Variants in FBXL13 observed in about 807,000 individuals in gnomAD.
The protein encoded by FBXL13 is F-box and leucine-rich repeat protein 13.
A neutral mutation model predicts 83.6 loss-of-function variants in FBXL13; 67 were observed. That is an observed-to-expected ratio of 0.80 (90% confidence interval 0.66 to 0.98). FBXL13 has a LOEUF of 0.98. FBXL13 is among the 50% of genes least tolerant of loss of function. FBXL13 has a pLI of 0.00. For synonymous variants in FBXL13, 272 were observed against 299.5 expected (o/e 0.91, Z 0.95); for missense variants, 822 against 866.5 (o/e 0.95, Z 0.64).
At chr7:102,953,910 C>CATAT (rs1823816131) in intron 8 of FBXL13, among the ~76,000 whole-genome samples, 1 of 152,056 alleles carries the variant, frequency 6.6e-6, no homozygotes, top group Non-Finnish European at 1.5e-5. Context: ...TGTGTATACA[C>CATAT]ATATACCTAT....
chr7:102,962,576 C>G (rs1825403371), intron 8 of FBXL13, among the ~76,000 whole-genome samples: 1 of 152,006 alleles, frequency 6.6e-6, no homozygotes, highest in African/African-American at 2.4e-5. Context: ...AGACTTGGAA[C>G]CAACCCAAAT....
intron 1 of FBXL13, among the ~76,000 whole-genome samples, chr7:103,068,384 T>G (rs1159092500): frequency 1.3e-5 from 2 of 152,118 alleles, no homozygotes; most frequent in East Asian, 3.8e-4. Context: ...ACCTAACCTA[T>G]CTCTAGATCT....
At chr7:103,068,109 G>A (rs1351395453) in intron 1 of FBXL13, among the ~76,000 whole-genome samples, 1 of 152,198 alleles carries the variant, frequency 6.6e-6, no homozygotes, top group Non-Finnish European at 1.5e-5. Flanking sequence ...CTGAGGAACG[G>A]TGAAAGCAAA....
intron 14 of FBXL13, 105 bp from the exon 16 acceptor site, chr7:102,878,555 G>T: frequency 1.4e-6 from 1 of 691,316 alleles, no homozygotes; most frequent in Non-Finnish European, 2.1e-6. Context: ...AAATAGCAAG[G>T]TAATATCTAT....
At chr7:102,852,688 A>G (rs1277854372) in intron 17 of FBXL13, among the ~76,000 whole-genome samples, 1 of 152,234 alleles carries the variant, frequency 6.6e-6, no homozygotes, top group Non-Finnish European at 1.5e-5. Flanking sequence ...TCAAAAAATA[A>G]TAGATGTTGG....
exon 1 of FBXL13, chr7:103,074,376 T>C (rs1799415703): frequency 9.5e-7 from 1 of 1,054,220 alleles, no homozygotes. Flanking sequence ...ACTCCTCCAC[T>C]CCTCAGGTAC....
chr7:102,926,563 C>G (rs1159292785), intron 9 of FBXL13, among the ~76,000 whole-genome samples, 189 bp from the exon 11 acceptor site: 1 of 152,176 alleles, frequency 6.6e-6, no homozygotes, highest in African/African-American at 2.4e-5. Context: ...CTCAAAGCAT[C>G]ATTACTCCCT....
chr7:103,016,747 T>A (rs1479713394), intron 6 of FBXL13, among the ~76,000 whole-genome samples: 1 of 151,962 alleles, frequency 6.6e-6, no homozygotes, highest in Non-Finnish European at 1.5e-5. Flanking sequence ...CAGTCTGAGA[T>A]CAAACTGCAA....
chr7:102,835,658 G>GGAGT (rs1801795193), intron 17 of FBXL13, among the ~76,000 whole-genome samples: 1 of 105,024 alleles, frequency 9.5e-6, no homozygotes, highest in Non-Finnish European at 1.6e-5. Context: ...CGCCCAGGCT[G>GGAGT]GAGTGCAGTG....
chr7:102,960,889 G>A (rs912977141), intron 8 of FBXL13, among the ~76,000 whole-genome samples: 1 of 151,942 alleles, frequency 6.6e-6, no homozygotes, highest in Admixed American at 6.6e-5. Context: ...TACTGAATGG[G>A]CAAACACTGG....
At position 102,847,650 on chromosome 7, in the gene FBXL13, C is replaced by T. The variant is rs550442749; in HGVS notation, c.1719+7127G>A. ...CCAGTGATTCTCCTGTCTCAGCCTC[C>T]GGAGTAGCTGGGACTAGAGGTGTGC... On this transcript the variant is annotated intron_variant, in intron 17 of 19. Coordinates refer to ENST00000313221, the Ensembl canonical transcript of FBXL13. Among the ~76,000 whole-genome samples, 16 of 152,116 alleles carry T rather than the reference C, an allele frequency of 1.1e-4. No individual in the cohort carries two copies. The South Asian group carries it at 2.5e-3, about 24-fold the overall frequency.
At chr7:102,870,366 T>C (rs1017063166) in intron 16 of FBXL13, among the ~76,000 whole-genome samples, 1 of 152,146 alleles carries the variant, frequency 6.6e-6, no homozygotes, top group African/African-American at 2.4e-5. Context: ...TACAAACCCA[T>C]TGATATTGCC....
rs117141251 is a variant in FBXL13 at position 103,036,111 on chromosome 7, G to C, written c.1-6693C>G. ...TGTGCATGCAAAGGATCTAGGTTGTGCATTCCTTATGAGAATCTAACTAAT... is the reference window on the plus strand; with the variant it reads ...TGTGCATGCAAAGGATCTAGGTTGTCCATTCCTTATGAGAATCTAACTAAT... On this transcript the variant is annotated intron_variant, in intron 2 of 19. Transcript: ENST00000313221. Among the ~76,000 whole-genome samples, 321 of 152,256 alleles carry C rather than the reference G, an allele frequency of 2.1e-3. 8 individuals are homozygous for C. In the East Asian group the frequency reaches 0.048, roughly 23 times the overall value.
intron 11 of FBXL13, among the ~76,000 whole-genome samples, chr7:102,907,717 T>C (rs962503223): frequency 1.3e-5 from 2 of 152,198 alleles, no homozygotes; most frequent in African/African-American, 4.8e-5. Flanking sequence ...ATCCAGTCTA[T>C]CATTGATGGA....
At chr7:102,932,035 C>CA (rs1819280734) in intron 8 of FBXL13, 102 bp from the exon 10 acceptor site, 5 of 1,125,864 alleles carry the variant, frequency 4.4e-6, no homozygotes, top group Non-Finnish European at 5.1e-6. Flanking sequence ...AGAAAACAAA[C>CA]AAAAACCTTG....
chr7:102,968,623 G>A (rs1387383360), intron 6 of FBXL13, among the ~76,000 whole-genome samples: 2 of 152,136 alleles, frequency 1.3e-5, no homozygotes, highest in African/African-American at 2.4e-5. Flanking sequence ...CAAAAAATCA[G>A]GAAATCCTGC....
At position 102,865,167 on chromosome 7, in the gene FBXL13, A is replaced by C. The variant is rs141709409; in HGVS notation, c.1636-10307T>G. Among the ~76,000 whole-genome samples the C allele has an allele frequency of 2.6e-4, 39 of 152,168 alleles. No individual in the cohort carries two copies. In the East Asian group the frequency reaches 6.6e-3, roughly 26 times the overall value. On this transcript the variant is annotated intron_variant, in intron 16 of 19. Transcript: ENST00000313221. ...AAAATTATCTATTTATACGGACTCAATTTTCTCTTATCTTGCTGGCATACT... is the reference window on the plus strand; with the variant it reads ...AAAATTATCTATTTATACGGACTCACTTTTCTCTTATCTTGCTGGCATACT...
Position 102,826,747 on chromosome 7 carries a change from A to G in FBXL13, c.1855-4544T>C, listed in dbSNP as rs1032503700. ...CTCATATATATATATATATATATAT[A>G]TATATATATATATATATATATATAT... On this transcript the variant is annotated intron_variant, in intron 18 of 19. Coordinates refer to ENST00000313221, the Ensembl canonical transcript of FBXL13. Among the ~76,000 whole-genome samples the G allele has an allele frequency of 3.9e-4, 34 of 87,768 alleles. 1 individual carries two copies. Among genetic ancestry groups the G allele is most frequent in the East Asian group, 2.9e-3 (5 of 1,718 alleles). The allele number at this position is 87,768 out of a possible 152,430, so 57.6% of individuals were successfully genotyped here. A position where few individuals can be genotyped will look rare whatever the true frequency, so the allele number is the denominator to read the frequency against.
intron 8 of FBXL13, among the ~76,000 whole-genome samples, chr7:102,957,116 A>ACTACCTG (rs1554478284): frequency 6.6e-6 from 1 of 152,150 alleles, no homozygotes; most frequent in Admixed American, 6.5e-5. Flanking sequence ...GAGGCATCGC[A>ACTACCTG]CTACCTGACT....
Sources: gnomAD v4.1 joint callset for allele counts (sites outside exome capture counted in the v4.1 genomes callset) on GRCh38, gnomAD v4.1.1 for gene constraint, MANE v1.5 for transcripts, NCBI Gene and HGNC (gene_info 2026-07-23, HGNC 2026-07-21) for gene names.